The following MUS81 variants were observed in gnomAD, a reference collection of about 807,000 sequenced individuals.
MUS81 encodes the protein MUS81 structure-specific endonuclease subunit, also known as structure-specific endonuclease subunit MUS81.
A neutral mutation model predicts 74.2 loss-of-function variants in MUS81; 69 were observed. The observed-to-expected ratio is 0.93, with a 90% CI of 0.77 to 1.14. MUS81 has a LOEUF of 1.14. Ranked by LOEUF, MUS81 falls within the 50% of genes most tolerant of loss-of-function variation. The probability of loss-of-function intolerance (pLI) is 0.00; values close to 1 mark genes in which losing one functional copy is unlikely to be tolerated. For synonymous variants in MUS81, 303 were observed against 300.6 expected (o/e 1.01, Z -0.08); for missense variants, 711 against 726.5 (o/e 0.98, Z 0.25).
chr11:65,866,757 C>G (rs756711623), downstream of MUS81: 9 of 957,510 alleles, frequency 9.4e-6, no homozygotes, highest in South Asian at 1.4e-5. Flanking sequence ...GGCCTGCCCC[C>G]CCAAGTGCCA....
At position 65,860,456 on chromosome 11, in the gene MUS81, T is replaced by C. The variant is rs2134719445; in HGVS notation, c.-298T>C. Reference sequence around the variant, plus strand: ...GTGACAGGAAGGAGCCGGTCCAGGCTCCGGGGGCTGGGAAAGGGCGCGTCT... The same window carrying C: ...GTGACAGGAAGGAGCCGGTCCAGGCCCCGGGGGCTGGGAAAGGGCGCGTCT... On this transcript the variant is annotated 5_prime_UTR_variant, in exon 1 of 16. Transcript: ENST00000308110. 1.9e-6 allele frequency: 1 copy of C among 531,988 alleles called. No individual in the cohort carries two copies. Among genetic ancestry groups the C allele is most frequent in the Non-Finnish European group, 3.5e-6 (1 of 289,460 alleles). 33.0% of individuals were successfully genotyped at this position (531,988 alleles called of 1,614,324 possible). A position where few individuals can be genotyped will look rare whatever the true frequency, so the allele number is the denominator to read the frequency against.
Position 65,862,294 on chromosome 11 carries a change from C to CA in MUS81, c.519+16dup. ...AGTCCCCCAGGGTGAGCACAGGGATCAGGGAGGACAGGCCCAAGTGGCTCT... is the reference window on the plus strand; with the variant it reads ...AGTCCCCCAGGGTGAGCACAGGGATCAAGGGAGGACAGGCCCAAGTGGCTCT... On this transcript the variant is annotated intron_variant, in intron 5 of 15. Coordinates refer to ENST00000308110, the MANE Select transcript of MUS81 (RefSeq NM_025128.5). The CA allele has an allele frequency of 6.2e-7, 1 of 1,613,400 alleles. No individual in the cohort carries two copies. Among genetic ancestry groups the CA allele is most frequent in the South Asian group, 1.1e-5 (1 of 91,034 alleles).
chr11:65,865,661 G>A (rs1440185914), intron 14 of MUS81, 150 bp from the exon 15 acceptor site: 3 of 811,452 alleles, frequency 3.7e-6, no homozygotes, highest in African/African-American at 3.4e-5. Context: ...AGGACAGCCC[G>A]GCTGGCATGG....
downstream of MUS81, chr11:65,866,871 G>T (rs1173453472): frequency 1.9e-6 from 3 of 1,609,238 alleles, no homozygotes; most frequent in Non-Finnish European, 2.6e-6. Context: ...CTCACAACAG[G>T]CTCCTCAGCT....
At chr11:65,862,313 T>A (rs553821322) in intron 5 of MUS81, 34 bp downstream of exon 5, 1 of 1,609,658 alleles carries the variant, frequency 6.2e-7, no homozygotes, top group East Asian at 2.2e-5. Context: ...CAGGCCCAAG[T>A]GGCTCTGGGG....
chr11:65,864,728 T>C lies in MUS81; in HGVS notation c.1185T>C (p.Asp395=). ...TGGGTCCTCTTCCCCAGGTCATTGA[T>C]GGCTTTTTTGTGAAGCGCACAGCAG... ...LQAVTNTQVI[D]GFFVKRTADI... The change falls in exon 12 of 16, where the codon GAT becomes GAC. Residue 395 remains aspartate, a synonymous_variant. Transcript: ENST00000308110. The C allele has an allele frequency of 6.2e-7, 1 of 1,614,130 alleles. No individual in the cohort carries two copies. The highest frequency in any genetic ancestry group is 1.1e-5 in the South Asian group (1 of 91,086).
At chr11:65,865,748 C>A in intron 14 of MUS81, 63 bp from the exon 15 acceptor site, 1 of 1,534,972 alleles carries the variant, frequency 6.5e-7, no homozygotes, top group Admixed American at 1.7e-5. Flanking sequence ...TGCCTGGCCC[C>A]TCATGGTGCT....
chr11:65,861,158 G>C, intron 2 of MUS81, 56 bp downstream of exon 2: 1 of 1,608,622 alleles, frequency 6.2e-7, no homozygotes, highest in Admixed American at 1.7e-5. Context: ...TGGAGCCTCC[G>C]TACTCTCCTG....
chr11:65,861,119 G>A lies in MUS81; in HGVS notation c.265+17G>A. The A allele has an allele frequency of 4.3e-6, 7 of 1,611,996 alleles. No homozygotes were observed. Among genetic ancestry groups the A allele is most frequent in the Non-Finnish European group, 5.9e-6 (7 of 1,179,836 alleles). On this transcript the variant is annotated intron_variant, in intron 2 of 15. Transcript: ENST00000308110. Reference sequence around the variant, plus strand: ...CATCGGGCGGTGAGCGCCTCGGAAAGGGGTCGGTGATCCCCCACCTCCCCC... The same window carrying A: ...CATCGGGCGGTGAGCGCCTCGGAAAAGGGTCGGTGATCCCCCACCTCCCCC...
chr11:65,864,994 G>A, intron 12 of MUS81, 23 bp from the exon 13 acceptor site: 1 of 1,611,962 alleles, frequency 6.2e-7, no homozygotes, highest in Non-Finnish European at 8.5e-7. Context: ...CTCCAGCCTG[G>A]CCTCAGTCCC....
intron 12 of MUS81, 84 bp downstream of exon 12, chr11:65,864,899 G>T (rs1859759862): frequency 6.3e-7 from 1 of 1,579,620 alleles, no homozygotes; most frequent in Admixed American, 1.7e-5. Flanking sequence ...CCCAAAAGAA[G>T]CAAGGTGGGT....
rs370621178 is a variant in MUS81 at position 65,865,746 on chromosome 11, CCCT to C, written c.1506-63_1506-61del. The C allele has an allele frequency of 6.6e-6, 10 of 1,517,534 alleles. No individual in the cohort carries two copies. In the African/African-American group the frequency reaches 6.9e-5, roughly 10 times the overall value. The allele number at this position is 1,517,534 out of a possible 1,614,324, so 94.0% of individuals were successfully genotyped here. On this transcript the variant is annotated intron_variant, in intron 14 of 15. Transcript: ENST00000308110. ...TCCCATGCTGACCCCTCTGCCTGGC[CCCT>C]CATGGTGCTGGCCCAGAGTGGGCCA...
Position 65,863,401 on chromosome 11 carries a change from C to T in MUS81, c.747-9C>T, listed in dbSNP as rs1024421499. The T allele has an allele frequency of 1.2e-6, 2 of 1,614,022 alleles. No homozygotes were observed. Among genetic ancestry groups the T allele is most frequent in the East Asian group, 2.2e-5 (1 of 44,888 alleles). ...GTTCTGGCCTCACATACCAACACCC[C>T]CCACTTAGTGCCAGTGAAGCAGGGG... On this transcript the variant is annotated splice_polypyrimidine_tract_variant and intron_variant, in intron 7 of 15. Coordinates refer to ENST00000308110, the MANE Select transcript of MUS81 (RefSeq NM_025128.5).
chr11:65,861,524 A>G, intron 3 of MUS81, 89 bp downstream of exon 3: 2 of 1,127,292 alleles, frequency 1.8e-6, no homozygotes, highest in African/African-American at 1.6e-5. Flanking sequence ...CCTGAGTCCA[A>G]ATCTCACCAG....
chr11:65,861,228 G>A (rs1186552550), intron 2 of MUS81, 122 bp from the exon 3 acceptor site: 1 of 1,551,766 alleles, frequency 6.4e-7, no homozygotes, highest in Non-Finnish European at 8.7e-7. Flanking sequence ...CCTAGGGCTA[G>A]TGGCTGGCGC....
rs770215973 is a variant in MUS81 at position 65,860,737 on chromosome 11, G to T, written c.-17G>T. ...GTCCCGCGGGCGTGGAGCGCCGGAG[G>T]ACCCGCCCTCGGGCTCATGGCGGCC... is the stretch of plus-strand genomic sequence containing the variant. On this transcript the variant is annotated 5_prime_UTR_variant, in exon 1 of 16. Coordinates refer to ENST00000308110, the MANE Select transcript of MUS81 (RefSeq NM_025128.5). 316 of 1,532,794 alleles carry T rather than the reference G, an allele frequency of 2.1e-4. 2 individuals are homozygous for T. In the East Asian group the frequency reaches 7.3e-3, roughly 36 times the overall value. The allele number at this position is 1,532,794 out of a possible 1,614,324, so 94.9% of individuals were successfully genotyped here.
At position 65,863,401 on chromosome 11, in the gene MUS81, C is replaced by G. The variant is rs1024421499; in HGVS notation, c.747-9C>G. The G allele has an allele frequency of 6.2e-7, 1 of 1,614,022 alleles. No homozygotes were observed. The highest frequency in any genetic ancestry group is 8.5e-7 in the Non-Finnish European group (1 of 1,179,978). ...GTTCTGGCCTCACATACCAACACCC[C>G]CCACTTAGTGCCAGTGAAGCAGGGG... is the stretch of plus-strand genomic sequence containing the variant. On this transcript the variant is annotated splice_polypyrimidine_tract_variant and intron_variant, in intron 7 of 15. Coordinates refer to ENST00000308110, the MANE Select transcript of MUS81 (RefSeq NM_025128.5).
rs1322374408 is a variant in MUS81, at chr11:65,866,226, C to T, written c.*174C>T. ...TGAAATACGCAGGAACCAGGGATACCATCTGGTCCAGTGGTTTTTAAACAA... is the reference window on the plus strand; with the variant it reads ...TGAAATACGCAGGAACCAGGGATACTATCTGGTCCAGTGGTTTTTAAACAA... On this transcript the variant is annotated 3_prime_UTR_variant, in exon 16 of 16. Coordinates refer to ENST00000308110, the MANE Select transcript of MUS81 (RefSeq NM_025128.5). The T allele has an allele frequency of 1.4e-5, 9 of 651,232 alleles. No individual in the cohort carries two copies. Among genetic ancestry groups the T allele is most frequent in the Non-Finnish European group, 2.4e-5 (9 of 382,938 alleles). The allele number at this position is 651,232 out of a possible 1,614,324, so 40.3% of individuals were successfully genotyped here.
Position 65,864,789 on chromosome 11 carries a change from A to G in MUS81, c.1246A>G (p.Thr416Ala), listed in dbSNP as rs1343176141. The change falls in exon 12 of 16, where the codon ACG becomes GCG. Residue 416 changes from threonine (T) to alanine (A), a missense_variant. Transcript: ENST00000308110. ...KESAAYLALLTRGLQRLYQGH... is the reference protein window; with the variant it reads ...KESAAYLALLARGLQRLYQGH... ...GTCAGCCGCCTACCTGGCCCTCTTG[A>G]CGCGGGGCCTGCAGAGACTCTACCA... 1 of 1,613,704 alleles carries G rather than the reference A, an allele frequency of 6.2e-7. No homozygotes were observed. Among genetic ancestry groups the G allele is most frequent in the Admixed American group, 1.7e-5 (1 of 60,024 alleles).
Sources: allele counts gnomAD v4.1 joint callset, GRCh38; gene constraint gnomAD v4.1.1; transcripts MANE v1.5; gene names NCBI Gene and HGNC (gene_info 2026-07-23, HGNC 2026-07-21).